MMP28: variants seen among roughly 807,000 people sequenced by gnomAD.
MMP28 encodes the protein matrix metallopeptidase 28.
In MMP28, 55 loss-of-function variants were observed where a neutral mutation model predicts 60.5. The ratio of observed to expected loss-of-function variants is 0.91; its 90% CI spans 0.73 to 1.14. MMP28 has a LOEUF of 1.14. Among genes scored for constraint, MMP28 ranks in the 50% most tolerant of loss-of-function variants. The probability of loss-of-function intolerance (pLI) is 0.00; values close to 1 mark genes in which losing one functional copy is unlikely to be tolerated. For missense variants in MMP28, 686 were observed against 738.3 expected (o/e 0.93, Z 0.82); for synonymous variants, 318 against 312.5 (o/e 1.02, Z -0.18).
intron 7 of MMP28, 107 bp from the exon 8 acceptor site, chr17:35,767,001 G>T: frequency 1.9e-6 from 2 of 1,062,562 alleles, no homozygotes; most frequent in East Asian, 2.6e-5. Context: ...TGGAGCCCAC[G>T]ATGGTTGGTA....
chr17:35,762,632 C>A (rs1448998028), downstream of MMP28, among the ~76,000 whole-genome samples: 2 of 152,158 alleles, frequency 1.3e-5, no homozygotes, highest in East Asian at 3.9e-4. Context: ...CAGCCTTTTC[C>A]CAATTGGTCT....
intron 1 of MMP28, among the ~76,000 whole-genome samples, chr17:35,783,981 A>G (rs1236769360): frequency 6.6e-6 from 1 of 152,164 alleles, no homozygotes; most frequent in Non-Finnish European, 1.5e-5. Flanking sequence ...GACATTTTGT[A>G]TTTCTATAAA....
At chr17:35,792,530 G>A (rs955983601) in intron 1 of MMP28, among the ~76,000 whole-genome samples, 5 of 152,164 alleles carry the variant, frequency 3.3e-5, no homozygotes, top group African/African-American at 4.8e-5. Flanking sequence ...TTGAAATTTC[G>A]ACTCACAGTT....
At chr17:35,786,432 G>T (rs2086650574) in intron 1 of MMP28, among the ~76,000 whole-genome samples, 1 of 151,998 alleles carries the variant, frequency 6.6e-6, no homozygotes, top group African/African-American at 2.4e-5. Flanking sequence ...TTTAAAAATT[G>T]CCAAATGCAT....
rs1320110237 is a variant in MMP28 at position 35,795,276 on chromosome 17, C to T, written c.102G>A (p.Lys34=). 2 of 1,445,188 alleles carry T rather than the reference C, an allele frequency of 1.4e-6. No individual in the cohort carries two copies. Among genetic ancestry groups the T allele is most frequent in the East Asian group, 3.0e-5 (1 of 33,318 alleles). 89.5% of individuals were successfully genotyped at this position (1,445,188 alleles called of 1,614,324 possible). Residue 34 remains lysine, a synonymous_variant, in exon 1 of 8, where the codon AAG becomes AAA. Coordinates refer to ENST00000605424, the MANE Select transcript of MMP28 (RefSeq NM_024302.5). ...GGTACACACGGCGTACCTCCGCCTC[C>T]TTGCGCAGCTCCTGGCCTCCGCGCT... ...PAERGGQELR[K]EAEAFLEKYG...
At chr17:35,783,027 C>T (rs1286528297) in intron 1 of MMP28, among the ~76,000 whole-genome samples, 1 of 152,044 alleles carries the variant, frequency 6.6e-6, no homozygotes, top group Non-Finnish European at 1.5e-5. Context: ...AGGGTTTCAC[C>T]GTGTTACCCA....
At chr17:35,769,043 TATA>T in intron 5 of MMP28, among the ~76,000 whole-genome samples, 2 of 152,154 alleles carry the variant, frequency 1.3e-5, no homozygotes, top group Non-Finnish European at 2.9e-5. Flanking sequence ...CTACAGCAAT[TATA>T]ATAATTACAT....
intron 1 of MMP28, among the ~76,000 whole-genome samples, chr17:35,792,207 C>T (rs1445527917): frequency 6.6e-6 from 1 of 152,126 alleles, no homozygotes; most frequent in African/African-American, 2.4e-5. Context: ...TATGTTCCCT[C>T]CCCTTGAACC....
At position 35,766,875 on chromosome 17, in the gene MMP28, G is replaced by T; in HGVS notation, c.1188C>A (p.Phe396Leu). Residue 396 changes from phenylalanine to leucine, a missense_variant, in exon 8 of 8, where the codon TTC (phenylalanine) becomes TTA (leucine). Physicochemically the swap from Phe to Leu is conservative, Grantham distance 22 (BLOSUM62 0). Coordinates refer to ENST00000605424, the MANE Select transcript of MMP28 (RefSeq NM_024302.5). The surrounding 1 kb of genome is among the most constrained non-coding windows in gnomAD (Gnocchi z 4.3). ...YFFKGGRCWR[F>L]RGPKPVWGLP... Reference sequence around the variant, plus strand: ...GACCCCACACTGGCTTGGGGCCCCGGAACCTCCAGCATCGACCCCCTGTGG... The same window carrying T: ...GACCCCACACTGGCTTGGGGCCCCGTAACCTCCAGCATCGACCCCCTGTGG... 1 of 1,578,764 alleles carries T rather than the reference G, an allele frequency of 6.3e-7. No homozygotes were observed. Among genetic ancestry groups the T allele is most frequent in the Non-Finnish European group, 8.6e-7 (1 of 1,163,260 alleles).
In MMP28 at chr17:35,770,130, T is replaced by TGTA. The variant is rs1007523945; in HGVS notation, c.784_786dup (p.Tyr262dup). 8 of 1,607,334 alleles carry TGTA rather than the reference T, an allele frequency of 5.0e-6. No homozygotes were observed. Among genetic ancestry groups the TGTA allele is most frequent in the Non-Finnish European group, 6.8e-6 (8 of 1,177,664 alleles). ...AGCAGCGCGTCGCGGCCCAGCCTCT[T>TGTA]GTAGTAGGGCGCCATGAGCGCGCGC... On this transcript the variant is annotated inframe_insertion, in exon 5 of 8. Transcript: ENST00000605424.
chr17:35,785,929 AAG>A (rs1465752450), intron 1 of MMP28, among the ~76,000 whole-genome samples: 5 of 152,168 alleles, frequency 3.3e-5, no homozygotes, highest in Admixed American at 6.5e-5. Flanking sequence ...ATCAACATCT[AAG>A]AAGATGGTCT....
chr17:35,775,440 A>G (rs2086297088), intron 3 of MMP28, among the ~76,000 whole-genome samples: 1 of 152,202 alleles, frequency 6.6e-6, no homozygotes, highest in Admixed American at 6.5e-5. Flanking sequence ...CCCTTGCTCC[A>G]AAGTTCAAAA....
At chr17:35,790,683 A>T (rs1423499348) in intron 1 of MMP28, among the ~76,000 whole-genome samples, 1 of 152,130 alleles carries the variant, frequency 6.6e-6, no homozygotes, top group Non-Finnish European at 1.5e-5. Flanking sequence ...CCAAATATAT[A>T]TACACAGAAA....
chr17:35,760,797 A>G, intron 2 of MMP28: 1 of 903,028 alleles, frequency 1.1e-6, no homozygotes, highest in South Asian at 1.4e-5. Flanking sequence ...ATTCCTGGGC[A>G]GAGCCTTATG....
intron 1 of MMP28, among the ~76,000 whole-genome samples, chr17:35,780,351 AGCCACCGT>A (rs1366247731): frequency 6.6e-6 from 1 of 152,138 alleles, no homozygotes; most frequent in Non-Finnish European, 1.5e-5. Context: ...TACAGGCGTA[AGCCACCGT>A]GCCCAGCCCA....
chr17:35,776,674 T>TC (rs2086340746), intron 3 of MMP28, among the ~76,000 whole-genome samples: 1 of 151,758 alleles, frequency 6.6e-6, no homozygotes, highest in Admixed American at 6.6e-5. Context: ...TCACCTAAGG[T>TC]CAGGAGCTTG....
At chr17:35,786,056 GTTT>G (rs34123485) in intron 1 of MMP28, among the ~76,000 whole-genome samples, 3 of 134,218 alleles carry the variant, frequency 2.2e-5, no homozygotes, top group Admixed American at 7.5e-5. Flanking sequence ...TCACCTTCTT[GTTT>G]TTTTTTTTTT....
At chr17:35,782,840 T>A (rs908227870) in intron 1 of MMP28, among the ~76,000 whole-genome samples, 1 of 152,040 alleles carries the variant, frequency 6.6e-6, no homozygotes, top group African/African-American at 2.4e-5. Context: ...TAATTTTTAT[T>A]TTTTGAGACG....
At position 35,770,233 on chromosome 17, in the gene MMP28, G is replaced by A; in HGVS notation, c.684C>T (p.Arg228=). ...CCACGAACAGGTTGCGCCCGCGGCG[G>A]CGGCTCAGGGACCAGCGCTCATCTT... ...FDQDERWSLS[R]RRGRNLFVVL... is the part of the protein sequence containing the mutation. Residue 228 remains arginine (R), a synonymous_variant, in exon 5 of 8, where the codon CGC becomes CGT. Transcript: ENST00000605424. 1 of 1,592,778 alleles carries A rather than the reference G, an allele frequency of 6.3e-7. No homozygotes were observed. Among genetic ancestry groups the A allele is most frequent in the Non-Finnish European group, 8.5e-7 (1 of 1,175,406 alleles).
Sources: gnomAD v4.1 joint callset for allele counts (sites outside exome capture counted in the v4.1 genomes callset) on GRCh38, gnomAD v4.1.1 for gene constraint, Gnocchi (gnomAD v3.1) non-coding constraint, MANE v1.5 for transcripts, NCBI Gene and HGNC (gene_info 2026-07-23, HGNC 2026-07-21) for gene names.